PIK3AP1: variants seen among roughly 807,000 people sequenced by gnomAD.
PIK3AP1 encodes phosphoinositide 3-kinase adapter protein 1.
In PIK3AP1, 21 loss-of-function variants were observed where a neutral mutation model predicts 88.1. The observed-to-expected ratio is 0.24, with a 90% CI of 0.17 to 0.34. The LOEUF (loss-of-function observed/expected upper bound fraction) is 0.34, where lower values mean the gene tolerates loss of function less well. Ranked by LOEUF, PIK3AP1 falls within the 10% of genes least tolerant of loss-of-function variation. The probability of loss-of-function intolerance (pLI) is 1.00; values close to 1 mark genes in which losing one functional copy is unlikely to be tolerated. For synonymous variants in PIK3AP1, 398 were observed against 400.0 expected (o/e 1.00, Z 0.06); for missense variants, 828 against 1,035.7 (o/e 0.80, Z 2.75).
intron 2 of PIK3AP1, among the ~76,000 whole-genome samples, chr10:96,693,491 G>A (rs149974575): frequency 1.4e-4 from 15 of 109,044 alleles, no homozygotes; most frequent in East Asian, 2.9e-4. Context: ...TGTACTCCTC[G>A]TTCAGCCTGC....
chr10:96,710,087 A>G, intron 1 of PIK3AP1, 104 bp from the exon 2 acceptor site: 1 of 1,179,110 alleles, frequency 8.5e-7, no homozygotes, highest in Non-Finnish European at 1.2e-6. Context: ...TCTGGCACCC[A>G]CAATCTTTCG....
rs149598250 is a variant in PIK3AP1, at chr10:96,630,923, C to A, written c.1376-2430G>T. On this transcript the variant is annotated intron_variant, in intron 8 of 16. Transcript: ENST00000339364. ...AAGAGCAGGACCCTCTTCTACCTGACCAAGACTCTGTACTGCCTTCCTTCT... is the reference window on the plus strand; with the variant it reads ...AAGAGCAGGACCCTCTTCTACCTGAACAAGACTCTGTACTGCCTTCCTTCT... 6.2e-3 allele frequency among the ~76,000 whole-genome samples: 949 copies of A among 152,290 alleles called. 6 individuals are homozygous for A. The highest frequency in any genetic ancestry group is 0.011 in the Non-Finnish European group (755 of 68,022).
intron 1 of PIK3AP1, among the ~76,000 whole-genome samples, chr10:96,714,631 G>T (rs1458265183): frequency 6.6e-6 from 1 of 152,150 alleles, no homozygotes; most frequent in East Asian, 1.9e-4. Context: ...TACTTCCTGG[G>T]GCAGGAAATA....
rs1564961146 is a variant in PIK3AP1 at position 96,628,877 on chromosome 10, T to TATATACATATAC, written c.1376-385_1376-384insGTATATGTATAT. Among the ~76,000 whole-genome samples the TATATACATATAC allele has an allele frequency of 9.4e-3, 98 of 10,408 alleles. 14 individuals carry two copies. Among genetic ancestry groups the TATATACATATAC allele is most frequent in the South Asian group, 0.043 (5 of 116 alleles). The allele number at this position is 10,408 out of a possible 152,430, so 6.8% of individuals were successfully genotyped here. ...ATATACACACACACATATATACACATATATATATATACATATATATATATA... is the reference window on the plus strand; with the variant it reads ...ATATACACACACACATATATACACATATATACATATACATATATATATACATATATATATATA... On this transcript the variant is annotated intron_variant, in intron 8 of 16. Transcript: ENST00000339364.
At chr10:96,604,143 A>C in intron 14 of PIK3AP1, 94 bp from the exon 15 acceptor site, 2 of 1,041,978 alleles carry the variant, frequency 1.9e-6, no homozygotes, top group Non-Finnish European at 2.7e-6. Context: ...TATTGATATA[A>C]ATAATACATA....
Position 96,593,757 on chromosome 10 carries a change from A to T in PIK3AP1, c.*1820T>A, listed in dbSNP as rs1564946222. The T allele has an allele frequency of 6.6e-6, 1 of 152,194 alleles. No homozygotes were observed. Among genetic ancestry groups the T allele is most frequent in the Non-Finnish European group, 1.5e-5 (1 of 68,042 alleles). The allele number at this position is 152,194 out of a possible 1,614,324, so 9.4% of individuals were successfully genotyped here. A position where few individuals can be genotyped will look rare whatever the true frequency, so the allele number is the denominator to read the frequency against. ...TGTACAAGGTAATTAATTACTACAA[A>T]CACTCTCGTGATGGACATGGCCAAT... On this transcript the variant is annotated 3_prime_UTR_variant, in exon 17 of 17. Coordinates refer to ENST00000339364, the MANE Select transcript of PIK3AP1 (RefSeq NM_152309.3).
At chr10:96,648,923 A>T in intron 6 of PIK3AP1, 68 bp from the exon 7 acceptor site, 1 of 1,351,142 alleles carries the variant, frequency 7.4e-7, no homozygotes, top group Admixed American at 3.2e-5. Context: ...TTGTTCATGG[A>T]GATGAAGCTG....
At chr10:96,662,322 CG>C (rs1414328237) in intron 2 of PIK3AP1, among the ~76,000 whole-genome samples, 3 of 152,090 alleles carry the variant, frequency 2.0e-5, no homozygotes, top group Non-Finnish European at 4.4e-5. Context: ...TAAATAAGGC[CG>C]GGCGCAGTGG....
At chr10:96,663,773 A>G (rs1208128112) in intron 2 of PIK3AP1, among the ~76,000 whole-genome samples, 3 of 152,228 alleles carry the variant, frequency 2.0e-5, no homozygotes, top group Admixed American at 2.0e-4. Flanking sequence ...AAGACCAATA[A>G]GAAGACAATT....
intron 2 of PIK3AP1, among the ~76,000 whole-genome samples, chr10:96,701,570 G>A (rs1844298626): frequency 6.6e-6 from 1 of 152,190 alleles, no homozygotes; most frequent in African/African-American, 2.4e-5. Flanking sequence ...CCTGAGGGGA[G>A]GAGGGTACAC....
chr10:96,627,340 A>C (rs1843167790), intron 9 of PIK3AP1, among the ~76,000 whole-genome samples: 1 of 152,218 alleles, frequency 6.6e-6, no homozygotes, highest in Admixed American at 6.5e-5. Context: ...GAAACTTTTC[A>C]TTCTAGAGTT....
chr10:96,648,537 TG>T, intron 7 of PIK3AP1, 121 bp downstream of exon 7: 2 of 1,080,862 alleles, frequency 1.9e-6, no homozygotes, highest in Non-Finnish European at 2.6e-6. Context: ...ATACTGCCCA[TG>T]GCCAGAAGAG....
At chr10:96,684,765 T>TA (rs1276473165) in intron 2 of PIK3AP1, among the ~76,000 whole-genome samples, 2 of 152,140 alleles carry the variant, frequency 1.3e-5, no homozygotes, top group Non-Finnish European at 2.9e-5. Flanking sequence ...ACTGAAATTT[T>TA]AAAAAAACTT....
At chr10:96,677,664 C>A (rs1589532538) in intron 2 of PIK3AP1, among the ~76,000 whole-genome samples, 1 of 151,598 alleles carries the variant, frequency 6.6e-6, no homozygotes, top group African/African-American at 2.4e-5. Flanking sequence ...TTATCTCCAA[C>A]AAACACAGTT....
chr10:96,709,417 C>T, intron 2 of PIK3AP1, 150 bp downstream of exon 2: 1 of 943,160 alleles, frequency 1.1e-6, no homozygotes, highest in Non-Finnish European at 1.6e-6. Context: ...GCCCCTATCC[C>T]ACCCCAGAAA....
intron 16 of PIK3AP1, among the ~76,000 whole-genome samples, chr10:96,597,879 G>A (rs931281558): frequency 2.0e-5 from 3 of 151,990 alleles, no homozygotes; most frequent in East Asian, 1.9e-4. Flanking sequence ...CCCCTCTTCC[G>A]CTTTCTGCTG....
intron 15 of PIK3AP1, among the ~76,000 whole-genome samples, chr10:96,603,437 C>A (rs1007482899): frequency 2.4e-4 from 37 of 152,060 alleles, no homozygotes; most frequent in Admixed American, 6.6e-4. Flanking sequence ...CCTTAATCTG[C>A]GTGGGCACCA....
At chr10:96,678,295 C>T (rs1028640560) in intron 2 of PIK3AP1, among the ~76,000 whole-genome samples, 4 of 151,890 alleles carry the variant, frequency 2.6e-5, no homozygotes, top group Admixed American at 6.6e-5. Context: ...ATTAGCTAGG[C>T]GTGGTGGCAC....
chr10:96,620,276 A>C, intron 12 of PIK3AP1, 76 bp downstream of exon 12: 1 of 1,462,066 alleles, frequency 6.8e-7, no homozygotes, highest in Non-Finnish European at 9.5e-7. Context: ...AATACACAAG[A>C]CAGCCATGGC....
Sources: allele counts gnomAD v4.1 joint callset (sites outside exome capture counted in the v4.1 genomes callset), GRCh38; gene constraint gnomAD v4.1.1; transcripts MANE v1.5; gene names NCBI Gene and HGNC (gene_info 2026-07-23, HGNC 2026-07-21).